The following SH3RF3 variants were observed in gnomAD, a reference collection of about 807,000 sequenced individuals.
SH3RF3 encodes SH3 domain containing ring finger 3, also known as E3 ubiquitin-protein ligase SH3RF3.
In SH3RF3, 29 loss-of-function variants were observed where a neutral mutation model predicts 66.3. That is an observed-to-expected ratio of 0.44 (90% CI 0.33 to 0.60). SH3RF3 has a LOEUF of 0.60. SH3RF3 is among the 20% of genes least tolerant of loss of function. The pLI is 0.04. For synonymous variants in SH3RF3, 583 were observed against 532.0 expected, an observed-to-expected ratio of 1.10 and a Z score of -1.32; for missense variants, 1,194 against 1,190.9, an observed-to-expected ratio of 1.00 and a Z score of -0.04.
intron 1 of SH3RF3, among the ~76,000 whole-genome samples, chr2:109,151,941 C>A (rs907669837): frequency 1.3e-5 from 2 of 152,210 alleles, no homozygotes; most frequent in Non-Finnish European, 2.9e-5. Context: ...GCCTGGAGGG[C>A]TTATAAAATG....
chr2:109,458,027 T>C (rs952091648), intron 8 of SH3RF3, among the ~76,000 whole-genome samples: 2 of 151,972 alleles, frequency 1.3e-5, no homozygotes, highest in African/African-American at 4.8e-5. Context: ...GGTTTTATTT[T>C]GTTTTTTCAG....
At chr2:109,157,208 C>T (rs970304666) in intron 1 of SH3RF3, among the ~76,000 whole-genome samples, 3 of 152,098 alleles carry the variant, frequency 2.0e-5, no homozygotes, top group Non-Finnish European at 2.9e-5. Flanking sequence ...GGATATTCAC[C>T]GTCTCTTCTA....
chr2:109,153,913 G>A (rs1161069336), intron 1 of SH3RF3, among the ~76,000 whole-genome samples: 1 of 152,188 alleles, frequency 6.6e-6, no homozygotes, highest in Middle Eastern at 3.2e-3. Flanking sequence ...GCAGGGCCGA[G>A]GACAAAATGA....
intron 1 of SH3RF3, among the ~76,000 whole-genome samples, chr2:109,273,280 C>G (rs1645437336): frequency 6.6e-6 from 1 of 152,230 alleles, no homozygotes; most frequent in Non-Finnish European, 1.5e-5. Context: ...GTGGATGTAT[C>G]TGTGGGGCAC....
In SH3RF3 at chr2:109,371,576, G is replaced by A. The variant is rs758693707; in HGVS notation, c.850-10G>A. ...GTATGCTTGTGTCCACGGTGGACCC[G>A]GAACTGCAGGACGAGATTCTGACGG... On this transcript the variant is annotated splice_polypyrimidine_tract_variant and intron_variant, in intron 2 of 9. Transcript: ENST00000309415. 6.2e-7 allele frequency: 1 copy of A among 1,613,406 alleles called. No homozygotes were observed. Among genetic ancestry groups the A allele is most frequent in the Non-Finnish European group, 8.5e-7 (1 of 1,179,514 alleles).
Position 109,398,805 on chromosome 2 carries a change from G to A in SH3RF3, c.1161G>A (p.Val387=), listed in dbSNP as rs1263829604. 5 of 1,613,876 alleles carry A rather than the reference G, an allele frequency of 3.1e-6. No individual in the cohort carries two copies. Among genetic ancestry groups the A allele is most frequent in the Non-Finnish European group, 4.2e-6 (5 of 1,179,854 alleles). Residue 387 remains valine, a synonymous_variant, in exon 4 of 10, where the codon GTG becomes GTA. Transcript: ENST00000309415. The part of the protein sequence containing the change: ...KKRHSFTALS[V]THRSSQAASH... Reference sequence around the variant, plus strand: ...GCCACTCCTTCACCGCGCTCAGTGTGACGCACAGATCCTCCCAGGCTGCCA... The same window carrying A: ...GCCACTCCTTCACCGCGCTCAGTGTAACGCACAGATCCTCCCAGGCTGCCA...
At chr2:109,388,261 T>C (rs1459822572) in intron 3 of SH3RF3, among the ~76,000 whole-genome samples, 4 of 152,216 alleles carry the variant, frequency 2.6e-5, no homozygotes, top group African/African-American at 9.7e-5. Flanking sequence ...CTTTCTCTAG[T>C]AGCACTTTCA....
At chr2:109,492,160 C>T (rs139104868) in intron 9 of SH3RF3, among the ~76,000 whole-genome samples, 4 of 152,332 alleles carry the variant, frequency 2.6e-5, no homozygotes, top group South Asian at 2.1e-4. Flanking sequence ...TAAACCCCTA[C>T]TTGTGGACAC....
At chr2:109,179,879 A>G (rs1459545134) in intron 1 of SH3RF3, among the ~76,000 whole-genome samples, 1 of 152,202 alleles carries the variant, frequency 6.6e-6, no homozygotes, top group Non-Finnish European at 1.5e-5. Context: ...AGTGCTCCTT[A>G]TCGCAGGAAA....
At chr2:109,239,058 T>C (rs909837721) in intron 1 of SH3RF3, among the ~76,000 whole-genome samples, 1 of 152,256 alleles carries the variant, frequency 6.6e-6, no homozygotes, top group Non-Finnish European at 1.5e-5. Flanking sequence ...CCTGGGTTTA[T>C]GCAGTGCCAA....
chr2:109,490,943 G>T lies in SH3RF3; in HGVS notation c.2480+7G>T. ...AGCTGTTGCCCAGAGAGAGGTAAGT[G>T]CAGGGGCTTGTCTGCTCTGTGGCAT... On this transcript the variant is annotated splice_region_variant and intron_variant, in intron 9 of 9. Transcript: ENST00000309415. 1.4e-6 allele frequency: 2 copies of T among 1,478,090 alleles called. No homozygotes were observed. Among genetic ancestry groups the T allele is most frequent in the Non-Finnish European group, 1.8e-6 (2 of 1,113,110 alleles). 91.6% of individuals were successfully genotyped at this position (1,478,090 alleles called of 1,614,324 possible).
intron 1 of SH3RF3, among the ~76,000 whole-genome samples, chr2:109,144,953 C>T (rs182027331): frequency 1.2e-3 from 182 of 152,346 alleles, no homozygotes; most frequent in Non-Finnish European, 2.1e-3. Flanking sequence ...CGTTCAGTGC[C>T]GATCTCAGGG....
At chr2:109,358,423 G>T (rs1025672989) in intron 2 of SH3RF3, among the ~76,000 whole-genome samples, 3 of 152,236 alleles carry the variant, frequency 2.0e-5, no homozygotes, top group Non-Finnish European at 4.4e-5. Context: ...TAAGGAGTGT[G>T]ATTACTAGTT....
chr2:109,438,440 G>A (rs1677471648), intron 7 of SH3RF3, among the ~76,000 whole-genome samples: 1 of 152,206 alleles, frequency 6.6e-6, no homozygotes, highest in Non-Finnish European at 1.5e-5. Flanking sequence ...TACCTGTCAA[G>A]CAGTGGGTAA....
At position 109,342,565 on chromosome 2, in the gene SH3RF3, CTCTCCACCCCAGCTT is replaced by C. The variant is rs1247948917; in HGVS notation, c.574-5108_574-5094del. The stretch of plus-strand genomic sequence containing the variant: ...AAACACAGGGAGCCGGTGCTCCACG[CTCTCCACCCCAGCTT>C]GCTGGGAGGTCTGGAATAGGCCAGT... On this transcript the variant is annotated intron_variant, in intron 1 of 9. Coordinates refer to ENST00000309415, the MANE Select transcript of SH3RF3 (RefSeq NM_001099289.3). 7.3e-4 allele frequency among the ~76,000 whole-genome samples: 111 copies of C among 152,340 alleles called. 2 individuals carry two copies. The highest frequency in any genetic ancestry group is 1.1e-3 in the Non-Finnish European group (78 of 68,032).
chr2:109,167,204 A>G (rs1677650034), intron 1 of SH3RF3, among the ~76,000 whole-genome samples: 1 of 152,212 alleles, frequency 6.6e-6, no homozygotes, highest in Non-Finnish European at 1.5e-5. Context: ...CCATATTTTT[A>G]AAAAGGATGA....
chr2:109,252,832 GA>G (rs1384299774), intron 1 of SH3RF3, among the ~76,000 whole-genome samples: 1 of 152,144 alleles, frequency 6.6e-6, no homozygotes, highest in Non-Finnish European at 1.5e-5. Flanking sequence ...TCTTGAAAGT[GA>G]AAAACACTGG....
intron 1 of SH3RF3, among the ~76,000 whole-genome samples, chr2:109,254,282 G>T (rs767064945): frequency 2.0e-5 from 3 of 152,152 alleles, no homozygotes; most frequent in Non-Finnish European, 4.4e-5. Flanking sequence ...GCACGCAGCA[G>T]CATAGTGGCT....
At chr2:109,395,578 A>G (rs1200010155) in intron 3 of SH3RF3, among the ~76,000 whole-genome samples, 2 of 152,088 alleles carry the variant, frequency 1.3e-5, no homozygotes, top group Non-Finnish European at 2.9e-5. Flanking sequence ...CACTTTCAGC[A>G]CCGGCCTTCG....
Sources: gnomAD v4.1 joint callset for allele counts (sites outside exome capture counted in the v4.1 genomes callset) on GRCh38, gnomAD v4.1.1 for gene constraint, MANE v1.5 for transcripts, NCBI Gene and HGNC (gene_info 2026-07-23, HGNC 2026-07-21) for gene names.